Variants in XPO6 observed in about 807,000 individuals in gnomAD.
XPO6 encodes the protein exportin 6.
Under a neutral mutation model 130.0 loss-of-function variants are expected in XPO6, and 3 were observed. The ratio of observed to expected loss-of-function variants is 0.02; its 90% CI spans 0.01 to 0.06. The LOEUF (loss-of-function observed/expected upper bound fraction) is 0.06. Ranked by LOEUF, XPO6 falls within the 10% of genes least tolerant of loss-of-function variation. The probability of loss-of-function intolerance (pLI) is 1.00; values close to 1 mark genes in which losing one functional copy is unlikely to be tolerated. For synonymous variants in XPO6, 524 were observed against 548.9 expected, an observed-to-expected ratio of 0.95 and a Z score of 0.63; for missense variants, 970 against 1,393.0, an observed-to-expected ratio of 0.70 and a Z score of 4.83.
chr16:28,130,392 T>C (rs1208099078), intron 12 of XPO6, among the ~76,000 whole-genome samples: 2 of 152,242 alleles, frequency 1.3e-5, no homozygotes, highest in Admixed American at 1.3e-4. Context: ...GGGCACAGTT[T>C]CTGCTGAGGG....
intron 14 of XPO6, among the ~76,000 whole-genome samples, 157 bp from the exon 15 acceptor site, chr16:28,117,619 T>C (rs761365693): frequency 2.0e-5 from 3 of 152,216 alleles, no homozygotes; most frequent in Non-Finnish European, 2.9e-5. Flanking sequence ...ACGTAGAACC[T>C]AAAAACTAAG....
In XPO6 at chr16:28,211,381, G is replaced by C; in HGVS notation, c.-13C>G. Reference sequence around the variant, plus strand: ...TTCCACTTACCATGCTGGCCGGGGAGGGGGCGGCTCAGATGAGCTGGTTCT... The same window carrying C: ...TTCCACTTACCATGCTGGCCGGGGACGGGGCGGCTCAGATGAGCTGGTTCT... On this transcript the variant is annotated 5_prime_UTR_variant, in exon 1 of 24. Coordinates refer to ENST00000304658, the MANE Select transcript of XPO6 (RefSeq NM_015171.4). 1.5e-6 allele frequency: 2 copies of C among 1,312,446 alleles called. No homozygotes were observed. Among genetic ancestry groups the C allele is most frequent in the Non-Finnish European group, 2.0e-6 (2 of 1,021,626 alleles). 81.3% of individuals were successfully genotyped at this position (1,312,446 alleles called of 1,614,324 possible).
At chr16:28,204,391 T>C (rs1388534270) in intron 1 of XPO6, among the ~76,000 whole-genome samples, 1 of 151,592 alleles carries the variant, frequency 6.6e-6, no homozygotes. Context: ...GCTTAAAGGT[T>C]TAGTCAAGCA....
intron 6 of XPO6, among the ~76,000 whole-genome samples, chr16:28,164,695 G>C (rs1411696929): frequency 6.6e-6 from 1 of 152,164 alleles, no homozygotes; most frequent in Non-Finnish European, 1.5e-5. Context: ...ATAAAACCTA[G>C]GCAACACATG....
At position 28,104,600 on chromosome 16, in the gene XPO6, C is replaced by G. The variant is rs781218954; in HGVS notation, c.2892G>C (p.Arg964Ser). 6.2e-7 allele frequency: 1 copy of G among 1,614,208 alleles called. No homozygotes were observed. Among genetic ancestry groups the G allele is most frequent in the Non-Finnish European group, 8.5e-7 (1 of 1,180,038 alleles). The change falls in exon 21 of 24, where the codon AGG becomes AGC. Residue 964 changes from arginine (R) to serine (S), a missense_variant. Arg to Ser is a moderately radical substitution (Grantham distance 110, BLOSUM62 -1). Coordinates refer to ENST00000304658, the MANE Select transcript of XPO6 (RefSeq NM_015171.4). ...TCTCCATCTGCTCCTCAGCGATCCC[C>G]CTCTGGACACTGGCCAGCACGGTGG... ...FKSTVLASVQRGIAEEQMENE... is the reference protein window; with the variant it reads ...FKSTVLASVQSGIAEEQMENE...
intron 5 of XPO6, 94 bp downstream of exon 5, chr16:28,169,656 C>T (rs1048764655): frequency 2.5e-5 from 37 of 1,497,544 alleles, no homozygotes; most frequent in Non-Finnish European, 2.6e-5. Context: ...TCAGAAACAG[C>T]GCAAACAACT....
At chr16:28,186,055 G>A (rs1418458538) in intron 1 of XPO6, among the ~76,000 whole-genome samples, 1 of 152,028 alleles carries the variant, frequency 6.6e-6, no homozygotes, top group Non-Finnish European at 1.5e-5. Context: ...GGACTACTAA[G>A]TCCACCAAGA....
intron 9 of XPO6, among the ~76,000 whole-genome samples, chr16:28,145,238 A>T (rs1364062): frequency 0.037 from 5,694 of 152,266 alleles, 141 homozygotes; most frequent in Middle Eastern, 0.071. Flanking sequence ...ACTGGGATGC[A>T]GTCACCTACT....
At chr16:28,171,071 A>G (rs1596926948) in intron 4 of XPO6, among the ~76,000 whole-genome samples, 2 of 147,684 alleles carry the variant, frequency 1.4e-5, no homozygotes, top group South Asian at 4.4e-4. Flanking sequence ...TCCCTGACAC[A>G]CTTTTTTTTT....
Position 28,127,414 on chromosome 16 carries a change from G to A in XPO6, c.1607-1566C>T, listed in dbSNP as rs115429626. 3.2e-3 allele frequency among the ~76,000 whole-genome samples: 489 copies of A among 152,254 alleles called. 1 individual carries two copies. Among genetic ancestry groups the A allele is most frequent in the African/African-American group, 0.011 (467 of 41,538 alleles). ...CTCCTTACTGACCACAAAATCCCTCGTGGTGAGCAGCTATGTCCAGCAGCC... is the reference window on the plus strand; with the variant it reads ...CTCCTTACTGACCACAAAATCCCTCATGGTGAGCAGCTATGTCCAGCAGCC... On this transcript the variant is annotated intron_variant, in intron 12 of 23. Coordinates refer to ENST00000304658, the MANE Select transcript of XPO6 (RefSeq NM_015171.4).
chr16:28,112,523 ATGCACT>A (rs1449417542), intron 16 of XPO6, among the ~76,000 whole-genome samples: 1 of 152,230 alleles, frequency 6.6e-6, no homozygotes, highest in Non-Finnish European at 1.5e-5. Context: ...TTCTAAGAAA[ATGCACT>A]TGCCTGGCAC....
intron 1 of XPO6, among the ~76,000 whole-genome samples, chr16:28,189,481 C>T (rs2043750872): frequency 6.6e-6 from 1 of 152,026 alleles, no homozygotes; most frequent in African/African-American, 2.4e-5. Context: ...AGTTCCTTTC[C>T]TTAGCCTGAC....
In XPO6 at chr16:28,118,318, C is replaced by T. The variant is rs564547824; in HGVS notation, c.1860-856G>A. On this transcript the variant is annotated intron_variant, in intron 14 of 23. Transcript: ENST00000304658. ...GCAGTCTTCTCTAAAAAGAGGCTTT[C>T]CCTCCTCTCATCCTTATTTTGTTAA... Among the ~76,000 whole-genome samples, 6 of 152,068 alleles carry T rather than the reference C, an allele frequency of 3.9e-5. No individual in the cohort carries two copies. The South Asian group carries it at 1.2e-3, about 32-fold the overall frequency.
chr16:28,099,520 C>CA (rs2086609319), intron 23 of XPO6, among the ~76,000 whole-genome samples: 1 of 152,248 alleles, frequency 6.6e-6, no homozygotes, highest in East Asian at 1.9e-4. Context: ...GGAGTGTGTG[C>CA]AGGCTCTGGG....
intron 7 of XPO6, chr16:28,154,073 G>A (rs1311524088): frequency 2.0e-6 from 2 of 985,112 alleles, no homozygotes; most frequent in Admixed American, 6.2e-5. Context: ...AAAATCAACT[G>A]TTTTTAGAGA....
At chr16:28,103,817 G>A (rs1290252960) in intron 21 of XPO6, among the ~76,000 whole-genome samples, 2 of 152,254 alleles carry the variant, frequency 1.3e-5, no homozygotes, top group Non-Finnish European at 2.9e-5. Flanking sequence ...GTGCATGCCT[G>A]TGTGCATGCT....
intron 4 of XPO6, among the ~76,000 whole-genome samples, chr16:28,172,758 T>A (rs557070308): frequency 1.3e-5 from 2 of 151,820 alleles, no homozygotes; most frequent in South Asian, 2.1e-4. Flanking sequence ...AACAAAACCA[T>A]GCACCCCAGA....
intron 3 of XPO6, among the ~76,000 whole-genome samples, chr16:28,176,353 C>T (rs2141862985): frequency 6.6e-6 from 1 of 152,268 alleles, no homozygotes; most frequent in Admixed American, 6.5e-5. Context: ...CTCTAATGGC[C>T]ACCAAAATAT....
chr16:28,121,822 C>CA, intron 13 of XPO6, 60 bp from the exon 14 acceptor site: 1 of 1,184,256 alleles, frequency 8.4e-7, no homozygotes, highest in East Asian at 2.3e-5. Flanking sequence ...ACAGACAAAA[C>CA]AGACAAGGCT....
Sources: allele counts gnomAD v4.1 joint callset (sites outside exome capture counted in the v4.1 genomes callset), GRCh38; gene constraint gnomAD v4.1.1; transcripts MANE v1.5; gene names NCBI Gene and HGNC (gene_info 2026-07-23, HGNC 2026-07-21).